PATJ: variants seen among roughly 807,000 people sequenced by gnomAD.
PATJ encodes inaD-like protein.
Under a neutral mutation model 224.9 loss-of-function variants are expected in PATJ, and 190 were observed. That is an observed-to-expected ratio of 0.84 (90% confidence interval 0.75 to 0.95). PATJ has a LOEUF of 0.95. Ranked by LOEUF, PATJ falls within the 40% of genes least tolerant of loss-of-function variation. The probability of loss-of-function intolerance (pLI) is 0.00; values close to 1 mark genes in which losing one functional copy is unlikely to be tolerated. For missense variants in PATJ, 2,121 were observed against 2,270.3 expected, an observed-to-expected ratio of 0.93 and a Z score of 1.34; for synonymous variants, 769 against 820.3, an observed-to-expected ratio of 0.94 and a Z score of 1.07.
At chr1:61,863,911 TA>T (rs778239709) in intron 19 of PATJ, among the ~76,000 whole-genome samples, 85 of 152,386 alleles carry the variant, frequency 5.6e-4, no homozygotes, top group African/African-American at 1.9e-3. Context: ...TTTTATGGGT[TA>T]AATATTTAGT....
intron 18 of PATJ, among the ~76,000 whole-genome samples, chr1:61,857,668 C>A (rs1402537333): frequency 6.6e-6 from 1 of 152,206 alleles, no homozygotes; most frequent in East Asian, 1.9e-4. Flanking sequence ...ATAAGAATCA[C>A]CTGAGAGGTA....
intron 27 of PATJ, among the ~76,000 whole-genome samples, chr1:61,951,565 G>A (rs1260678247): frequency 2.6e-5 from 4 of 152,002 alleles, no homozygotes; most frequent in Non-Finnish European, 1.5e-5. Context: ...GGTAGGGGGT[G>A]CACTGTAGCA....
intron 27 of PATJ, among the ~76,000 whole-genome samples, chr1:61,950,170 C>G (rs1249230698): frequency 6.6e-6 from 1 of 152,200 alleles, no homozygotes; most frequent in Non-Finnish European, 1.5e-5. Flanking sequence ...CGCTGCTGCA[C>G]TCCAGCTTGG....
At chr1:62,059,761 T>A (rs1655115648) in intron 31 of PATJ, among the ~76,000 whole-genome samples, 1 of 152,020 alleles carries the variant, frequency 6.6e-6, no homozygotes, top group African/African-American at 2.4e-5. Flanking sequence ...GTAACTGAGA[T>A]GAAAGTTAAT....
intron 9 of PATJ, among the ~76,000 whole-genome samples, chr1:61,793,437 G>A (rs1251491502): frequency 6.6e-6 from 1 of 152,160 alleles, no homozygotes; most frequent in East Asian, 1.9e-4. Flanking sequence ...ATGTTTTGGG[G>A]AAATGTCAAG....
At chr1:62,120,399 T>A (rs1002856629) in intron 37 of PATJ, among the ~76,000 whole-genome samples, 3 of 152,214 alleles carry the variant, frequency 2.0e-5, no homozygotes, top group Admixed American at 6.5e-5. Flanking sequence ...ATAACAGTGA[T>A]CTTAGGCTTA....
At chr1:61,994,988 C>T (rs1229399177) in intron 28 of PATJ, among the ~76,000 whole-genome samples, 1 of 152,184 alleles carries the variant, frequency 6.6e-6, no homozygotes, top group African/African-American at 2.4e-5. Flanking sequence ...GCAATTATTA[C>T]TCTATGATAT....
chr1:61,782,325 C>G (rs867154773), intron 7 of PATJ, among the ~76,000 whole-genome samples: 1 of 152,116 alleles, frequency 6.6e-6, no homozygotes, highest in African/African-American at 2.4e-5. Flanking sequence ...TAGCACAATG[C>G]CTCTTAGTTC....
rs570337163 is a variant in PATJ, at chr1:62,086,171, A to G, written c.4377+1523A>G. 2.1e-4 allele frequency among the ~76,000 whole-genome samples: 31 copies of G among 151,142 alleles called. No homozygotes were observed. The highest frequency in any genetic ancestry group is 7.6e-4 in the African/African-American group (31 of 40,548). On this transcript the variant is annotated intron_variant, in intron 33 of 43. Transcript: ENST00000642238. The surrounding 1 kb of genome is among the most constrained non-coding windows in gnomAD (Gnocchi z 4.0). ...TTGTTTATCACTGCTCAGTAGCGCCATTAAAATGAAAACTTTTCCTGGGTT... is the reference window on the plus strand; with the variant it reads ...TTGTTTATCACTGCTCAGTAGCGCCGTTAAAATGAAAACTTTTCCTGGGTT...
At chr1:61,842,805 C>T (rs957180372) in intron 17 of PATJ, among the ~76,000 whole-genome samples, 18 of 127,270 alleles carry the variant, frequency 1.4e-4, no homozygotes, top group African/African-American at 4.9e-4. Context: ...AAAGAAGAAA[C>T]TCGGTCCCCA....
chr1:62,148,775 G>C (rs1365326924), intron 42 of PATJ, among the ~76,000 whole-genome samples: 3 of 152,114 alleles, frequency 2.0e-5, no homozygotes, highest in Non-Finnish European at 4.4e-5. Flanking sequence ...ATTAAAACCA[G>C]TCATCGCAGT....
intron 17 of PATJ, among the ~76,000 whole-genome samples, chr1:61,850,993 A>G (rs1344550424): frequency 6.6e-6 from 1 of 152,196 alleles, no homozygotes; most frequent in Admixed American, 6.5e-5. Context: ...ATAGATAGTC[A>G]TTCAACATTT....
At chr1:61,873,109 G>A (rs1015000775) in intron 20 of PATJ, among the ~76,000 whole-genome samples, 15 of 151,844 alleles carry the variant, frequency 9.9e-5, no homozygotes, top group African/African-American at 3.1e-4. Context: ...ATAAATTATG[G>A]TACATCCCTA....
chr1:61,839,213 T>A (rs1557736652), intron 17 of PATJ, among the ~76,000 whole-genome samples: 1 of 152,158 alleles, frequency 6.6e-6, no homozygotes, highest in African/African-American at 2.4e-5. Context: ...GTGCATTTTA[T>A]TATAGGGCAT....
intron 33 of PATJ, among the ~76,000 whole-genome samples, chr1:62,106,059 A>ATATAT (rs1341448123): frequency 1.2e-4 from 5 of 41,178 alleles, no homozygotes; most frequent in African/African-American, 4.6e-4. Context: ...AAAAAAAAAA[A>ATATAT]AAAAATATAT....
At chr1:62,151,862 A>T (rs1406784903) in intron 42 of PATJ, among the ~76,000 whole-genome samples, 1 of 152,228 alleles carries the variant, frequency 6.6e-6, no homozygotes, top group Non-Finnish European at 1.5e-5. Flanking sequence ...AGCATTTGGG[A>T]ATAAGAAATT....
intron 27 of PATJ, among the ~76,000 whole-genome samples, chr1:61,929,892 G>T (rs530699393): frequency 1.1e-4 from 16 of 152,114 alleles, no homozygotes; most frequent in African/African-American, 3.6e-4. Context: ...AGTGATTTGG[G>T]GTTCTCTTTT....
intron 27 of PATJ, among the ~76,000 whole-genome samples, chr1:61,985,372 G>A (rs539640361): frequency 1.3e-5 from 2 of 152,084 alleles, no homozygotes; most frequent in Middle Eastern, 3.4e-3. Context: ...TAGTCCCTCA[G>A]TGGGATATTG....
intron 27 of PATJ, among the ~76,000 whole-genome samples, chr1:61,956,976 AG>A (rs1680527311): frequency 6.6e-6 from 1 of 152,180 alleles, no homozygotes; most frequent in African/African-American, 2.4e-5. Context: ...CTCCCATCAT[AG>A]GCCTGTGCTC....
Sources: gnomAD v4.1 joint callset for allele counts (sites outside exome capture counted in the v4.1 genomes callset) on GRCh38, gnomAD v4.1.1 for gene constraint, Gnocchi (gnomAD v3.1) non-coding constraint, MANE v1.5 for transcripts, NCBI Gene and HGNC (gene_info 2026-07-23, HGNC 2026-07-21) for gene names.